TRPM3: variants seen among roughly 807,000 people sequenced by gnomAD.
TRPM3 encodes the protein transient receptor potential cation channel subfamily M member 3.
A neutral mutation model predicts 181.2 loss-of-function variants in TRPM3; 77 were observed. The observed-to-expected ratio is 0.42, with a 90% CI of 0.35 to 0.51. The LOEUF is 0.51. Among genes scored for constraint, TRPM3 ranks in the 20% least tolerant of loss-of-function variants. The pLI is 0.01. For missense variants in TRPM3, 1,759 were observed against 2,196.7 expected (o/e 0.80, Z 3.98); for synonymous variants, 745 against 796.4 (o/e 0.94, Z 1.09).
Position 70,986,679 on chromosome 9 carries a change from T to C in TRPM3, c.178-122168A>G, listed in dbSNP as rs559947983. On this transcript the variant is annotated intron_variant, in intron 1 of 25. Coordinates refer to ENST00000677713, the MANE Select transcript of TRPM3 (RefSeq NM_001366145.2). Reference sequence around the variant, plus strand: ...AAACAGAGCTATTTTTCCCCTACCATATTAATCTACCTCTTTAGCATTTGT... The same window carrying C: ...AAACAGAGCTATTTTTCCCCTACCACATTAATCTACCTCTTTAGCATTTGT... Among the ~76,000 whole-genome samples, 3 of 152,314 alleles carry C rather than the reference T, an allele frequency of 2.0e-5. No individual in the cohort carries two copies. In the South Asian group the frequency reaches 6.2e-4, roughly 32 times the overall value.
At chr9:70,938,242 G>C (rs1416457053) in intron 1 of TRPM3, among the ~76,000 whole-genome samples, 2 of 152,172 alleles carry the variant, frequency 1.3e-5, no homozygotes, top group African/African-American at 2.4e-5. Flanking sequence ...CCACATAACA[G>C]AGTCAAACCA....
chr9:70,636,186 T>C (rs1253755713), intron 11 of TRPM3, among the ~76,000 whole-genome samples: 15 of 152,134 alleles, frequency 9.9e-5, no homozygotes, highest in Non-Finnish European at 1.9e-4. Context: ...TATGATTCAA[T>C]GAAATTTTAA....
intron 1 of TRPM3, among the ~76,000 whole-genome samples, chr9:71,213,426 G>C (rs1048281886): frequency 6.6e-6 from 1 of 151,624 alleles, no homozygotes; most frequent in African/African-American, 2.4e-5. Flanking sequence ...TTCTTTCCCT[G>C]GTTTATCATG....
chr9:71,179,392 G>A (rs573352375), intron 1 of TRPM3, among the ~76,000 whole-genome samples: 4 of 152,218 alleles, frequency 2.6e-5, no homozygotes, highest in South Asian at 2.1e-4. Context: ...ACAGCAAGGT[G>A]TACACCACTT....
intron 1 of TRPM3, among the ~76,000 whole-genome samples, chr9:71,175,377 G>C (rs2077055939): frequency 1.3e-5 from 2 of 152,176 alleles, no homozygotes; most frequent in Non-Finnish European, 2.9e-5. Flanking sequence ...ACAGGTCCAA[G>C]GATTATCAGT....
At chr9:71,352,490 G>C (rs1329895494) in intron 1 of TRPM3, among the ~76,000 whole-genome samples, 1 of 152,060 alleles carries the variant, frequency 6.6e-6, no homozygotes, top group Non-Finnish European at 1.5e-5. Context: ...AAAAAAATGG[G>C]ATATGCTATT....
intron 6 of TRPM3, among the ~76,000 whole-genome samples, chr9:70,813,248 T>A (rs1260080976): frequency 6.6e-6 from 1 of 152,144 alleles, no homozygotes; most frequent in Non-Finnish European, 1.5e-5. Flanking sequence ...AGCAAAGACA[T>A]GGAATCAACC....
At chr9:71,023,340 A>G (rs1337260975) in intron 1 of TRPM3, among the ~76,000 whole-genome samples, 1 of 152,184 alleles carries the variant, frequency 6.6e-6, no homozygotes, top group Non-Finnish European at 1.5e-5. Flanking sequence ...CAATAATACT[A>G]AATGCTAGTA....
chr9:71,233,012 G>A (rs2081159390), intron 1 of TRPM3, among the ~76,000 whole-genome samples: 1 of 152,054 alleles, frequency 6.6e-6, no homozygotes, highest in African/African-American at 2.4e-5. Context: ...ATCCAGGAGA[G>A]ACCTGCTTCA....
chr9:70,616,579 A>AAG (rs1414390246), intron 17 of TRPM3, among the ~76,000 whole-genome samples: 46 of 151,750 alleles, frequency 3.0e-4, no homozygotes, highest in Admixed American at 1.6e-3. Context: ...TCTGCAAAAA[A>AAG]AAAAAAAAAT....
At position 71,135,918 on chromosome 9, in the gene TRPM3, G is replaced by A. The variant is rs572549038; in HGVS notation, c.184-271407C>T. ...TGAGAAGTTATGTATATTTCTCTAG[G>A]TATAGGATTTGATGCCACACTTGCA... On this transcript the variant is annotated intron_variant, in intron 1 of 24. Coordinates refer to the TRPM3 transcript ENST00000357533. Among the ~76,000 whole-genome samples the A allele has an allele frequency of 6.6e-5, 10 of 152,246 alleles. No individual in the cohort carries two copies. The South Asian group carries it at 2.1e-3, about 32-fold the overall frequency.
intron 4 of TRPM3, among the ~76,000 whole-genome samples, chr9:70,845,227 C>T (rs994675676): frequency 4.6e-5 from 7 of 152,102 alleles, no homozygotes; most frequent in African/African-American, 1.7e-4. Context: ...AATTAAGCAA[C>T]ATTAAGATAA....
chr9:70,694,710 G>A (rs1055193606), intron 8 of TRPM3, among the ~76,000 whole-genome samples: 11 of 152,174 alleles, frequency 7.2e-5, no homozygotes, highest in African/African-American at 2.7e-4. Flanking sequence ...TCAATCTCCT[G>A]ACCTCGTGAT....
intron 8 of TRPM3, among the ~76,000 whole-genome samples, chr9:70,688,988 T>C (rs2067740667): frequency 6.6e-6 from 1 of 152,118 alleles, no homozygotes; most frequent in East Asian, 1.9e-4. Context: ...TATTACCAAG[T>C]GGTTATGTTT....
chr9:71,126,704 A>G (rs988059433), intron 1 of TRPM3, among the ~76,000 whole-genome samples: 1 of 152,222 alleles, frequency 6.6e-6, no homozygotes, highest in Non-Finnish European at 1.5e-5. Context: ...AGCAGCATTT[A>G]TTCCATATAA....
intron 11 of TRPM3, 96 bp downstream of exon 11, chr9:70,638,964 G>A (rs958704774): frequency 5.0e-5 from 69 of 1,376,788 alleles, no homozygotes; most frequent in Non-Finnish European, 6.6e-5. Context: ...GCATTTGGAC[G>A]GGAGAAGGGA....
chr9:71,302,419 A>C (rs535136681), intron 1 of TRPM3, among the ~76,000 whole-genome samples: 18 of 152,346 alleles, frequency 1.2e-4, no homozygotes, highest in African/African-American at 4.3e-4. Flanking sequence ...AATACTGAAC[A>C]AAACAAATAC....
At chr9:71,286,963 ATATATAATATAATTATAT>A (rs1565424455) in intron 1 of TRPM3, among the ~76,000 whole-genome samples, 25 of 138,188 alleles carry the variant, frequency 1.8e-4, no homozygotes, top group African/African-American at 3.0e-4. Context: ...TATATAAATT[ATATATAATATAATTATAT>A]TATATAATTA....
At chr9:70,810,289 G>A (rs921988778) in intron 6 of TRPM3, among the ~76,000 whole-genome samples, 2 of 142,880 alleles carry the variant, frequency 1.4e-5, no homozygotes, top group African/African-American at 5.3e-5. Flanking sequence ...CTGTCCTGTG[G>A]GTAAATGATC....
Sources: allele counts gnomAD v4.1 joint callset (sites outside exome capture counted in the v4.1 genomes callset), GRCh38; gene constraint gnomAD v4.1.1; transcripts MANE v1.5; gene names NCBI Gene and HGNC (gene_info 2026-07-23, HGNC 2026-07-21).